HPSE2: variants seen among roughly 807,000 people sequenced by gnomAD.
The protein encoded by HPSE2 is heparanase 2 (inactive).
Under a neutral mutation model 60.5 loss-of-function variants are expected in HPSE2, and 38 were observed. That is an observed-to-expected ratio of 0.63 (90% confidence interval 0.48 to 0.82). HPSE2 has a LOEUF of 0.82. Ranked by LOEUF, HPSE2 falls within the 40% of genes least tolerant of loss-of-function variation. The pLI is 0.00. For synonymous variants in HPSE2, 295 were observed against 293.2 expected, an observed-to-expected ratio of 1.01 and a Z score of -0.06; for missense variants, 713 against 740.4, an observed-to-expected ratio of 0.96 and a Z score of 0.43.
chr10:98,832,825 G>T (rs777613694), intron 3 of HPSE2, among the ~76,000 whole-genome samples: 4 of 152,162 alleles, frequency 2.6e-5, no homozygotes, highest in African/African-American at 7.2e-5. Context: ...TTTTGCAAGA[G>T]AATATTATGT....
chr10:99,043,896 G>C (rs1012175466), intron 3 of HPSE2, among the ~76,000 whole-genome samples: 2 of 152,080 alleles, frequency 1.3e-5, no homozygotes, highest in Non-Finnish European at 2.9e-5. Flanking sequence ...TGATTCACTG[G>C]CATTCCTGAG....
chr10:98,984,471 C>A (rs1956287232), intron 3 of HPSE2, among the ~76,000 whole-genome samples: 1 of 152,142 alleles, frequency 6.6e-6, no homozygotes, highest in South Asian at 2.1e-4. Context: ...GAAAGGACAT[C>A]CACACCAAAA....
intron 3 of HPSE2, among the ~76,000 whole-genome samples, chr10:98,792,503 G>T (rs1325506790): frequency 6.6e-6 from 1 of 152,148 alleles, no homozygotes. Flanking sequence ...ATGGGGAACA[G>T]CCTTCTTACT....
the HPSE2 span, among the ~76,000 whole-genome samples, chr10:99,259,663 A>T: frequency 1.3e-5 from 2 of 152,192 alleles, no homozygotes; most frequent in Admixed American, 6.5e-5. Context: ...ACAGAAATGG[A>T]CTAGGTAAAC....
At chr10:98,705,156 G>C (rs116077196) in intron 5 of HPSE2, among the ~76,000 whole-genome samples, 2,271 of 152,268 alleles carry the variant, frequency 0.015, 30 homozygotes, top group African/African-American at 0.029. Context: ...ATGAAAAAAA[G>C]CTCAACAGCA....
chr10:99,130,146 C>CA, intron 3 of HPSE2, among the ~76,000 whole-genome samples: 1 of 150,512 alleles, frequency 6.6e-6, no homozygotes, highest in Non-Finnish European at 1.5e-5. Flanking sequence ...TAAAAATTGC[C>CA]AACAAAAAAA....
intron 9 of HPSE2, among the ~76,000 whole-genome samples, chr10:98,590,940 G>A (rs926450707): frequency 2.0e-5 from 3 of 152,122 alleles, no homozygotes; most frequent in Non-Finnish European, 4.4e-5. Flanking sequence ...CTACCTCATA[G>A]TGTTGTTGTG....
At chr10:99,010,756 T>A (rs1475314017) in intron 3 of HPSE2, among the ~76,000 whole-genome samples, 1 of 152,146 alleles carries the variant, frequency 6.6e-6, no homozygotes, top group East Asian at 1.9e-4. Context: ...CAAGAATCAA[T>A]AAAATATTAG....
chr10:98,678,978 T>G (rs1947716338), intron 6 of HPSE2, among the ~76,000 whole-genome samples: 1 of 152,048 alleles, frequency 6.6e-6, no homozygotes, highest in Non-Finnish European at 1.5e-5. Flanking sequence ...TCACAAGGTC[T>G]AAAAGAATTG....
chr10:99,306,915 G>A, the HPSE2 span, among the ~76,000 whole-genome samples: 1 of 151,994 alleles, frequency 6.6e-6, no homozygotes, highest in Admixed American at 6.6e-5. Context: ...TCTCCCTGTT[G>A]GTCAGGCTGG....
At chr10:99,266,847 A>G in the HPSE2 span, among the ~76,000 whole-genome samples, 1 of 152,150 alleles carries the variant, frequency 6.6e-6, no homozygotes, top group Non-Finnish European at 1.5e-5. Flanking sequence ...ACTCCCCAGT[A>G]CCAGCCTGAA....
chr10:98,810,072 C>G (rs539807658), intron 3 of HPSE2, among the ~76,000 whole-genome samples: 1 of 152,266 alleles, frequency 6.6e-6, no homozygotes, highest in South Asian at 2.1e-4. Context: ...TACCACTCCC[C>G]TAAGGAGAAT....
chr10:99,185,226 C>T (rs1847959428), intron 2 of HPSE2, among the ~76,000 whole-genome samples: 1 of 151,722 alleles, frequency 6.6e-6, no homozygotes, highest in Non-Finnish European at 1.5e-5. Context: ...ATCACTTGAA[C>T]CCAGGAGGCA....
chr10:98,579,329 T>C (rs1173423981), intron 9 of HPSE2, among the ~76,000 whole-genome samples: 3 of 152,202 alleles, frequency 2.0e-5, no homozygotes, highest in Admixed American at 6.5e-5. Context: ...GGATTTAATA[T>C]GCAAGCAAAA....
At chr10:99,312,573 A>T in the HPSE2 span, among the ~76,000 whole-genome samples, 3 of 152,238 alleles carry the variant, frequency 2.0e-5, no homozygotes, top group Admixed American at 1.3e-4. Context: ...CTCAGAAAAA[A>T]AGATTCCTTT....
At chr10:99,056,660 G>A (rs1204451675) in intron 3 of HPSE2, among the ~76,000 whole-genome samples, 9 of 152,032 alleles carry the variant, frequency 5.9e-5, no homozygotes, top group East Asian at 3.9e-4. Flanking sequence ...AAACTTCATC[G>A]TAAGAGCTAA....
chr10:99,006,828 C>T (rs1956905790), intron 3 of HPSE2, among the ~76,000 whole-genome samples: 1 of 151,942 alleles, frequency 6.6e-6, no homozygotes, highest in Non-Finnish European at 1.5e-5. Context: ...GGGGCAGCCA[C>T]AAGTCCTAGT....
chr10:98,678,172 T>C (rs182272537), intron 6 of HPSE2, among the ~76,000 whole-genome samples: 1 of 152,264 alleles, frequency 6.6e-6, no homozygotes, highest in African/African-American at 2.4e-5. Flanking sequence ...TATTGAAAAT[T>C]AGATGACTTG....
chr10:99,152,310 C>CAAAAAAAAAAAAAAAAAAAAAAAAAA (rs1004063463), intron 2 of HPSE2, among the ~76,000 whole-genome samples: 1 of 54,044 alleles, frequency 1.9e-5, no homozygotes, highest in Non-Finnish European at 4.0e-5. Flanking sequence ...GACTCCACCT[C>CAAAAAAAAAAAAAAAAAAAAAAAAAA]AAAAAAAAAA....
Sources: gnomAD v4.1 joint callset for allele counts (sites outside exome capture counted in the v4.1 genomes callset) on GRCh38, gnomAD v4.1.1 for gene constraint, MANE v1.5 for transcripts, NCBI Gene and HGNC (gene_info 2026-07-23, HGNC 2026-07-21) for gene names.